RAPH1: variants seen among roughly 807,000 people sequenced by gnomAD.
The protein encoded by RAPH1 is ras-associated and pleckstrin homology domains-containing protein 1.
In RAPH1, 18 loss-of-function variants were observed where a neutral mutation model predicts 88.1. That is an observed-to-expected ratio of 0.20 (90% CI 0.14 to 0.30). RAPH1 has a LOEUF of 0.30. RAPH1 is among the 10% of genes least tolerant of loss of function. The pLI, the probability that RAPH1 is intolerant of heterozygous loss-of-function variation, is 1.00. For missense variants in RAPH1, 1,448 were observed against 1,543.2 expected (o/e 0.94, Z 1.03); for synonymous variants, 587 against 559.0 (o/e 1.05, Z -0.71).
At chr2:203,534,512 C>G (rs1288382968) in intron 1 of RAPH1, among the ~76,000 whole-genome samples, 3 of 72,234 alleles carry the variant, frequency 4.2e-5, no homozygotes, top group South Asian at 7.6e-4. Context: ...CCGTCCACCC[C>G]CCCCCCCCCC....
intron 2 of RAPH1, among the ~76,000 whole-genome samples, chr2:203,494,166 C>T (rs1421087517): frequency 6.6e-6 from 1 of 151,976 alleles, no homozygotes; most frequent in Non-Finnish European, 1.5e-5. Context: ...TCCACCTTGC[C>T]CACTTTGCTT....
chr2:203,440,252 TG>T lies in RAPH1; in HGVS notation c.2937del (p.Ser980AlafsTer21). The stretch of plus-strand genomic sequence containing the variant: ...TCTGCACCACTGCTGGATTTAATGC[TG>T]GAGTTGCGCTGTGGGGTTGGGGGTG... ...KKPPPTPQRN[S>X]SIKSSSGAEH... On this transcript the variant is annotated frameshift_variant, in exon 14 of 14. Transcript: ENST00000319170. LOFTEE classifies it high-confidence loss of function. 6.2e-7 allele frequency: 1 copy of T among 1,614,008 alleles called. No individual in the cohort carries two copies. Among genetic ancestry groups the T allele is most frequent in the Non-Finnish European group, 8.5e-7 (1 of 1,180,004 alleles).
chr2:203,439,687 T>C lies in RAPH1; in HGVS notation c.3503A>G (p.Asp1168Gly). Reference protein sequence around the residue: ...SLSVQPGFLADLNRTLQRKSI... With the variant: ...SLSVQPGFLAGLNRTLQRKSI... ...CTTTCGTTGCAGTGTCCTGTTGAGGTCAGCCAGGAATCCAGGCTGGACACT... is the reference window on the plus strand; with the variant it reads ...CTTTCGTTGCAGTGTCCTGTTGAGGCCAGCCAGGAATCCAGGCTGGACACT... Residue 1168 changes from aspartate to glycine, a missense_variant, in exon 14 of 14, where the codon GAC becomes GGC. Physicochemically the swap from Asp to Gly is moderately conservative, Grantham distance 94. Coordinates refer to ENST00000319170, the MANE Select transcript of RAPH1 (RefSeq NM_213589.3). 1 of 1,614,040 alleles carries C rather than the reference T, an allele frequency of 6.2e-7. No individual in the cohort carries two copies. Among genetic ancestry groups the C allele is most frequent in the Non-Finnish European group, 8.5e-7 (1 of 1,180,004 alleles).
rs1386285913 is a variant in RAPH1, at chr2:203,506,850, C to CTATATA, written c.1-11498_1-11497insTATATA. Among the ~76,000 whole-genome samples, 17 of 75,470 alleles carry CTATATA rather than the reference C, an allele frequency of 2.3e-4. 1 individual carries two copies. Among genetic ancestry groups the CTATATA allele is most frequent in the African/African-American group, 1.1e-3 (12 of 10,738 alleles). The allele number at this position is 75,470 out of a possible 152,430, so 49.5% of individuals were successfully genotyped here. Reference sequence around the variant, plus strand: ...TATATATCTATATCTATATATCTATCTATATCTATATATATATATATATAT... The same window carrying CTATATA: ...TATATATCTATATCTATATATCTATCTATATATATATCTATATATATATATATATAT... On this transcript the variant is annotated intron_variant, in intron 1 of 13. Transcript: ENST00000319170.
chr2:203,458,233 G>A (rs1397701245), intron 7 of RAPH1, among the ~76,000 whole-genome samples: 2 of 152,126 alleles, frequency 1.3e-5, no homozygotes, highest in African/African-American at 2.4e-5. Flanking sequence ...GCCAGGTGTG[G>A]CAGCACGCAC....
chr2:203,478,146 G>A (rs1235425983), intron 4 of RAPH1, among the ~76,000 whole-genome samples: 5 of 150,900 alleles, frequency 3.3e-5, no homozygotes, highest in Non-Finnish European at 5.9e-5. Context: ...CCATTCTCCT[G>A]CCTCATCCTC....
chr2:203,455,346 A>C (rs1164725186), intron 9 of RAPH1, 91 bp downstream of exon 9: 2 of 1,208,902 alleles, frequency 1.7e-6, no homozygotes, highest in East Asian at 4.8e-5. Flanking sequence ...GAAACAAATC[A>C]TAGCCTGGGT....
At chr2:203,530,957 G>A (rs1690363561) in intron 1 of RAPH1, among the ~76,000 whole-genome samples, 1 of 152,008 alleles carries the variant, frequency 6.6e-6, no homozygotes, top group Non-Finnish European at 1.5e-5. Context: ...ATATATGAAT[G>A]AGTATGAGTG....
chr2:203,532,211 G>A (rs767677244), intron 1 of RAPH1, among the ~76,000 whole-genome samples: 1 of 152,108 alleles, frequency 6.6e-6, no homozygotes, highest in African/African-American at 2.4e-5. Context: ...TTTTGTTTTT[G>A]AACAGGGTCT....
intron 4 of RAPH1, among the ~76,000 whole-genome samples, chr2:203,484,561 T>G (rs2469960): frequency 0.1 from 15,934 of 152,126 alleles, 1,707 homozygotes; most frequent in African/African-American, 0.27. Context: ...TGGGAAGATG[T>G]GGAAAAAAAG....
At chr2:203,516,407 A>C (rs1011654436) in intron 1 of RAPH1, among the ~76,000 whole-genome samples, 7 of 152,274 alleles carry the variant, frequency 4.6e-5, no homozygotes, top group African/African-American at 1.7e-4. Flanking sequence ...TAATCCAATT[A>C]TATTAATAAC....
intron 4 of RAPH1, among the ~76,000 whole-genome samples, chr2:203,471,438 C>A (rs1453270927): frequency 6.6e-6 from 1 of 152,018 alleles, no homozygotes; most frequent in East Asian, 1.9e-4. Flanking sequence ...ATGGTGAAAC[C>A]CCGTTTCTAC....
At chr2:203,482,230 G>T (rs1051179858) in intron 4 of RAPH1, among the ~76,000 whole-genome samples, 1 of 152,012 alleles carries the variant, frequency 6.6e-6, no homozygotes, top group Non-Finnish European at 1.5e-5. Context: ...CTGTCGCCCA[G>T]GCTGGAGTAC....
chr2:203,488,810 T>C lies in RAPH1; in HGVS notation c.732+774A>G, dbSNP rs1688109489. Among the ~76,000 whole-genome samples the C allele has an allele frequency of 4.6e-5, 7 of 151,690 alleles. 1 individual carries two copies. In the South Asian group the frequency reaches 1.5e-3, roughly 32 times the overall value. ...CCATACCTGGTGGCCCTTTCCAATATACCATACTGACTCTTCAATAATGAA... is the reference window on the plus strand; with the variant it reads ...CCATACCTGGTGGCCCTTTCCAATACACCATACTGACTCTTCAATAATGAA... On this transcript the variant is annotated intron_variant, in intron 4 of 13. Transcript: ENST00000319170.
chr2:203,499,370 T>G (rs1054168668), intron 1 of RAPH1, among the ~76,000 whole-genome samples: 4 of 152,152 alleles, frequency 2.6e-5, no homozygotes, highest in Non-Finnish European at 5.9e-5. Context: ...AAGTTACTTT[T>G]GCCAATTTTG....
intron 1 of RAPH1, among the ~76,000 whole-genome samples, chr2:203,502,681 G>A (rs1688788815): frequency 6.6e-6 from 1 of 151,680 alleles, no homozygotes; most frequent in East Asian, 1.9e-4. Flanking sequence ...TTAGCCGGGT[G>A]TGGTGGCAGG....
intron 13 of RAPH1, chr2:203,441,885 TG>T: frequency 7.4e-7 from 1 of 1,350,414 alleles, no homozygotes; most frequent in East Asian, 3.0e-5. Flanking sequence ...GAGGGCTTCC[TG>T]GTGGAATGAG....
intron 10 of RAPH1, among the ~76,000 whole-genome samples, chr2:203,452,868 A>C (rs2098516010): frequency 6.6e-6 from 1 of 152,116 alleles, no homozygotes; most frequent in Admixed American, 6.5e-5. Context: ...GAACTACTTG[A>C]ACCCGGGAGG....
intron 8 of RAPH1, among the ~76,000 whole-genome samples, chr2:203,455,932 C>G (rs1212399523): frequency 6.6e-6 from 1 of 151,914 alleles, no homozygotes; most frequent in Non-Finnish European, 1.5e-5. Flanking sequence ...TTGCTTGAAC[C>G]TGGGAGGCGG....
Sources: allele counts gnomAD v4.1 joint callset (sites outside exome capture counted in the v4.1 genomes callset), GRCh38; gene constraint gnomAD v4.1.1; transcripts MANE v1.5; gene names NCBI Gene and HGNC (gene_info 2026-07-23, HGNC 2026-07-21).